Variants in KCNIP4 observed in about 807,000 individuals in gnomAD.
KCNIP4 encodes potassium voltage-gated channel interacting protein 4, also known as Kv channel-interacting protein 4.
KCNIP4 carries 12 observed loss-of-function variants against 34.0 expected under a neutral mutation model. The ratio of observed to expected loss-of-function variants is 0.35; its 90% CI spans 0.23 to 0.57. The LOEUF (loss-of-function observed/expected upper bound fraction) is 0.57. KCNIP4 is among the 20% of genes least tolerant of loss of function. The pLI, the probability that KCNIP4 is intolerant of heterozygous loss-of-function variation, is 0.83. For missense variants in KCNIP4, 238 were observed against 311.7 expected (o/e 0.76, Z 1.78); for synonymous variants, 124 against 102.2 (o/e 1.21, Z -1.29).
chr4:20,977,164 A>G (rs980898351), intron 1 of KCNIP4, among the ~76,000 whole-genome samples: 14 of 152,144 alleles, frequency 9.2e-5, no homozygotes, highest in African/African-American at 3.4e-4. Context: ...AAATAATCAA[A>G]TACCTCCTAT....
At chr4:20,883,852 A>G (rs1222822217) in intron 1 of KCNIP4, among the ~76,000 whole-genome samples, 4 of 152,200 alleles carry the variant, frequency 2.6e-5, no homozygotes, top group African/African-American at 7.2e-5. Flanking sequence ...TAAATACACA[A>G]ATTAAATAAG....
At chr4:21,128,209 G>A (rs900941694) in intron 1 of KCNIP4, among the ~76,000 whole-genome samples, 1 of 152,314 alleles carries the variant, frequency 6.6e-6, no homozygotes, top group East Asian at 1.9e-4. Context: ...CTTTCATAGA[G>A]AGTAAAAGGG....
chr4:20,733,530 G>C (rs891586837), intron 6 of KCNIP4, among the ~76,000 whole-genome samples: 1 of 152,050 alleles, frequency 6.6e-6, no homozygotes, highest in Non-Finnish European at 1.5e-5. Context: ...AATTATAAAT[G>C]ATAGAGTAAT....
At chr4:20,821,147 T>A (rs1474908207) in intron 3 of KCNIP4, among the ~76,000 whole-genome samples, 1 of 152,204 alleles carries the variant, frequency 6.6e-6, no homozygotes, top group East Asian at 1.9e-4. Context: ...TGGACGGGTC[T>A]TCCCTGGGTT....
At chr4:21,240,045 TA>T (rs1225193322) in intron 1 of KCNIP4, among the ~76,000 whole-genome samples, 1 of 151,840 alleles carries the variant, frequency 6.6e-6, no homozygotes, top group African/African-American at 2.4e-5. Flanking sequence ...TATGCAGCCA[TA>T]AAAAATGATG....
rs1197328157 is a variant in KCNIP4, at chr4:21,944,577, A to AG, written c.61+3993_61+3994insC. On this transcript the variant is annotated intron_variant, in intron 1 of 8. Coordinates refer to ENST00000382152, the MANE Select transcript of KCNIP4 (RefSeq NM_025221.6). ...GTCTCAAAAAAAAAAAAAAAAAAAAAAGAGAGATCTGAGAGAAATCAGAGA... is the reference window on the plus strand; with the variant it reads ...GTCTCAAAAAAAAAAAAAAAAAAAAAGAGAGAGATCTGAGAGAAATCAGAGA... Among the ~76,000 whole-genome samples, 14 of 145,908 alleles carry AG rather than the reference A, an allele frequency of 9.6e-5. No homozygotes were observed. The East Asian group carries it at 1.6e-3, about 17-fold the overall frequency.
intron 1 of KCNIP4, among the ~76,000 whole-genome samples, chr4:20,929,037 A>G (rs1730173514): frequency 1.3e-5 from 2 of 152,024 alleles, no homozygotes; most frequent in Admixed American, 1.3e-4. Flanking sequence ...CACATTTTAC[A>G]AGGCAAGCAT....
At position 20,847,458 on chromosome 4, in the gene KCNIP4, G is replaced by C. The variant is rs144497398; in HGVS notation, c.288+3085C>G. Among the ~76,000 whole-genome samples, 40 of 152,276 alleles carry C rather than the reference G, an allele frequency of 2.6e-4. No individual in the cohort carries two copies. In the East Asian group the frequency reaches 7.1e-3, roughly 27 times the overall value. On this transcript the variant is annotated intron_variant, in intron 3 of 8. Transcript: ENST00000382152. ...CATAATCTTTCAAGATGGGGCCCAG[G>C]AATCTGTGTCTTGACAAGCCCTTCA...
intron 1 of KCNIP4, among the ~76,000 whole-genome samples, chr4:21,642,124 G>A (rs1319194318): frequency 1.3e-5 from 2 of 152,166 alleles, no homozygotes; most frequent in Admixed American, 6.5e-5. Context: ...ATTCCACACA[G>A]CACTCCTTCT....
At chr4:21,579,081 A>C (rs1339855738) in intron 1 of KCNIP4, among the ~76,000 whole-genome samples, 2 of 152,178 alleles carry the variant, frequency 1.3e-5, no homozygotes. Context: ...AGATCAACTG[A>C]TTTAAGACTG....
intron 1 of KCNIP4, among the ~76,000 whole-genome samples, chr4:20,941,642 T>C (rs1394298823): frequency 6.6e-6 from 1 of 152,196 alleles, no homozygotes; most frequent in African/African-American, 2.4e-5. Context: ...AGACATCCAA[T>C]GAAATGCCAT....
intron 5 of KCNIP4, among the ~76,000 whole-genome samples, chr4:20,741,295 T>C (rs1751035408): frequency 6.6e-6 from 1 of 152,024 alleles, no homozygotes; most frequent in African/African-American, 2.4e-5. Context: ...GTCACACTTA[T>C]TCCAAAATTG....
At chr4:21,334,187 C>T (rs1255163838) in intron 1 of KCNIP4, among the ~76,000 whole-genome samples, 1 of 151,986 alleles carries the variant, frequency 6.6e-6, no homozygotes, top group Non-Finnish European at 1.5e-5. Flanking sequence ...CACTCTGTGC[C>T]AGCTGTATGA....
intron 1 of KCNIP4, among the ~76,000 whole-genome samples, chr4:21,000,454 G>T (rs1560635162): frequency 6.6e-6 from 1 of 152,124 alleles, no homozygotes; most frequent in Non-Finnish European, 1.5e-5. Flanking sequence ...GGAGGCCGAG[G>T]CAGGCAGATC....
At position 21,188,209 on chromosome 4, in the gene KCNIP4, C is replaced by T. The variant is rs1307948835; in HGVS notation, c.62-305500G>A. On this transcript the variant is annotated intron_variant, in intron 1 of 8. Coordinates refer to ENST00000382152, the MANE Select transcript of KCNIP4 (RefSeq NM_025221.6). ...CTCCAAAGAGTTTTGTTTTAATTGC[C>T]TTACAGATGCTGTGTTATAAAGGAG... Among the ~76,000 whole-genome samples the T allele has an allele frequency of 2.6e-5, 4 of 152,062 alleles. No homozygotes were observed. In the East Asian group the frequency reaches 7.7e-4, roughly 29 times the overall value.
chr4:21,513,275 C>A (rs1190870617), intron 1 of KCNIP4, among the ~76,000 whole-genome samples: 3 of 152,196 alleles, frequency 2.0e-5, no homozygotes, highest in Non-Finnish European at 4.4e-5. Context: ...TTTGCCTTTA[C>A]CTTTACTATT....
At chr4:21,116,115 AC>A (rs1749652658) in intron 1 of KCNIP4, among the ~76,000 whole-genome samples, 1 of 152,314 alleles carries the variant, frequency 6.6e-6, no homozygotes, top group African/African-American at 2.4e-5. Context: ...CTCTAGGGCT[AC>A]CTGCTTACAC....
intron 1 of KCNIP4, among the ~76,000 whole-genome samples, chr4:21,573,526 C>G (rs528326662): frequency 1.3e-5 from 2 of 151,546 alleles, no homozygotes; most frequent in African/African-American, 2.4e-5. Context: ...TTTTTCTTTT[C>G]TAACAGTTTG....
intron 1 of KCNIP4, among the ~76,000 whole-genome samples, chr4:21,346,066 T>A (rs1038766668): frequency 7.5e-6 from 1 of 132,490 alleles, no homozygotes; most frequent in African/African-American, 2.8e-5. Flanking sequence ...ACTCGGGCAG[T>A]GTAATATATA....
Sources: allele counts gnomAD v4.1 joint callset (sites outside exome capture counted in the v4.1 genomes callset), GRCh38; gene constraint gnomAD v4.1.1; transcripts MANE v1.5; gene names NCBI Gene and HGNC (gene_info 2026-07-23, HGNC 2026-07-21).